FBXO11: variants seen among roughly 807,000 people sequenced by gnomAD.
FBXO11 encodes the protein F-box protein 11, also known as F-box only protein 11.
In FBXO11, 13 loss-of-function variants were observed where a neutral mutation model predicts 117.0. That is an observed-to-expected ratio of 0.11 (90% CI 0.07 to 0.18). The LOEUF is 0.18. Ranked by LOEUF, FBXO11 falls within the 10% of genes least tolerant of loss-of-function variation. The probability of loss-of-function intolerance (pLI) is 1.00; values close to 1 mark genes in which losing one functional copy is unlikely to be tolerated. For synonymous variants in FBXO11, 490 were observed against 380.5 expected, an observed-to-expected ratio of 1.29 and a Z score of -3.35; for missense variants, 767 against 1,164.4, an observed-to-expected ratio of 0.66 and a Z score of 4.97.
At chr2:47,883,758 A>G (rs912042234) in intron 1 of FBXO11, 1 of 271,796 alleles carries the variant, frequency 3.7e-6, no homozygotes, top group Non-Finnish European at 7.4e-6. Flanking sequence ...CTGTCCTTAA[A>G]TACCATAAGG....
intron 3 of FBXO11, 136 bp from the exon 4 acceptor site, chr2:47,839,139 T>G (rs1467735878): frequency 1.2e-6 from 1 of 854,824 alleles, no homozygotes. Flanking sequence ...GTGGGTTTCA[T>G]GGGTAACACA....
At chr2:47,864,355 G>C (rs992421207) in intron 1 of FBXO11, among the ~76,000 whole-genome samples, 1 of 152,152 alleles carries the variant, frequency 6.6e-6, no homozygotes, top group Non-Finnish European at 1.5e-5. Flanking sequence ...TGGGAGGCCA[G>C]GGCAGGCAGA....
At chr2:47,889,633 GTTTTT>G (rs35254589) in intron 1 of FBXO11, among the ~76,000 whole-genome samples, 1 of 148,362 alleles carries the variant, frequency 6.7e-6, no homozygotes, top group Non-Finnish European at 1.5e-5. Context: ...AAGTGAGAGG[GTTTTT>G]TTTTTTTTAA....
At chr2:47,870,058 C>T (rs898242946) in intron 1 of FBXO11, among the ~76,000 whole-genome samples, 2 of 152,182 alleles carry the variant, frequency 1.3e-5, no homozygotes, top group Admixed American at 6.5e-5. Context: ...AGTGGAAGAT[C>T]TGAATAAAAC....
At chr2:47,831,427 GA>G (rs920107554) in intron 11 of FBXO11, among the ~76,000 whole-genome samples, 7,422 of 65,676 alleles carry the variant, frequency 0.11, 172 homozygotes, top group Non-Finnish European at 0.16. Context: ...GTCTCAAAAA[GA>G]AAAAAAAAAA....
intron 11 of FBXO11, among the ~76,000 whole-genome samples, chr2:47,825,644 A>C (rs1204111213): frequency 6.8e-6 from 1 of 146,858 alleles, no homozygotes; most frequent in East Asian, 2.0e-4. Flanking sequence ...CAAGGGTGCA[A>C]TCACTCACTG....
chr2:47,838,388 A>G (rs1205205148), intron 4 of FBXO11, among the ~76,000 whole-genome samples: 1 of 149,948 alleles, frequency 6.7e-6, no homozygotes. Flanking sequence ...GGCTGTTACG[A>G]AAAATCTGTA....
chr2:47,848,184 C>G (rs1673570366), intron 1 of FBXO11, among the ~76,000 whole-genome samples: 1 of 151,840 alleles, frequency 6.6e-6, no homozygotes, highest in African/African-American at 2.4e-5. Flanking sequence ...ATATCTTTCA[C>G]TAAACCTTTA....
Position 47,882,491 on chromosome 2 carries a change from T to C in FBXO11, c.232+22998A>G, listed in dbSNP as rs138751163. ...TTGTTCTACTGTCATGTTTTGGTTTTCTTCTATAGGGGTTTCAATTCTAAG... is the reference window on the plus strand; with the variant it reads ...TTGTTCTACTGTCATGTTTTGGTTTCCTTCTATAGGGGTTTCAATTCTAAG... On this transcript the variant is annotated intron_variant, in intron 1 of 22. Transcript: ENST00000403359. 8.9e-3 allele frequency among the ~76,000 whole-genome samples: 1,361 copies of C among 152,342 alleles called. 27 individuals carry two copies. Among genetic ancestry groups the C allele is most frequent in the African/African-American group, 0.031 (1,305 of 41,582 alleles).
At chr2:47,895,941 C>A (rs982124519) in intron 1 of FBXO11, among the ~76,000 whole-genome samples, 1 of 152,044 alleles carries the variant, frequency 6.6e-6, no homozygotes, top group South Asian at 2.1e-4. Flanking sequence ...GTGATCCACT[C>A]GCCTCAGCCT....
intron 1 of FBXO11, among the ~76,000 whole-genome samples, chr2:47,873,499 G>C (rs1017605052): frequency 2.8e-4 from 42 of 152,134 alleles, no homozygotes; most frequent in African/African-American, 8.9e-4. Flanking sequence ...GGCATGATTT[G>C]GATTATTTCC....
intron 1 of FBXO11, among the ~76,000 whole-genome samples, chr2:47,898,737 T>C (rs1461622635): frequency 1.3e-5 from 2 of 152,110 alleles, no homozygotes; most frequent in African/African-American, 4.8e-5. Context: ...CCATCTCCAA[T>C]AGGACAGATG....
intron 18 of FBXO11, chr2:47,812,780 TA>T: frequency 4.6e-6 from 1 of 215,206 alleles, no homozygotes; most frequent in South Asian, 6.9e-5. Context: ...AGTTGACCTT[TA>T]TGAATACCAA....
At chr2:47,905,400 GCCCC>G (rs1678703937) in intron 1 of FBXO11, 85 bp downstream of exon 1, 3 of 1,069,644 alleles carry the variant, frequency 2.8e-6, no homozygotes, top group African/African-American at 4.3e-5. Context: ...CGCGCAGGCC[GCCCC>G]CGCCCGCCCG....
At chr2:47,877,039 A>AG (rs1400533456) in intron 1 of FBXO11, among the ~76,000 whole-genome samples, 3 of 148,814 alleles carry the variant, frequency 2.0e-5, no homozygotes, top group African/African-American at 7.4e-5. Context: ...TACTTAATAC[A>AG]GGGTTTTTTT....
intron 16 of FBXO11, 112 bp downstream of exon 16, chr2:47,818,667 A>G (rs1398861865): frequency 1.4e-6 from 1 of 703,456 alleles, no homozygotes; most frequent in South Asian, 2.1e-5. Flanking sequence ...ATGTGAATAT[A>G]TATACAATAG....
intron 1 of FBXO11, among the ~76,000 whole-genome samples, chr2:47,903,156 A>G (rs1678427591): frequency 6.6e-6 from 1 of 152,224 alleles, no homozygotes; most frequent in Non-Finnish European, 1.5e-5. Context: ...TCAATTTTTC[A>G]AAGAATAACA....
At chr2:47,829,553 T>A (rs1212725013) in intron 11 of FBXO11, among the ~76,000 whole-genome samples, 2 of 152,186 alleles carry the variant, frequency 1.3e-5, no homozygotes, top group Admixed American at 6.6e-5. Flanking sequence ...TATGACATTT[T>A]AATCTTATTT....
At chr2:47,834,516 TA>T (rs1343665679) in intron 7 of FBXO11, 62 bp downstream of exon 7, 2 of 1,297,836 alleles carry the variant, frequency 1.5e-6, no homozygotes, top group Non-Finnish European at 2.1e-6. Context: ...CTAGCATTTT[TA>T]AAATCCTATC....
Sources: gnomAD v4.1 joint callset for allele counts (sites outside exome capture counted in the v4.1 genomes callset) on GRCh38, gnomAD v4.1.1 for gene constraint, MANE v1.5 for transcripts, NCBI Gene and HGNC (gene_info 2026-07-23, HGNC 2026-07-21) for gene names.